Variants in PDE4B observed in about 807,000 individuals in gnomAD.
PDE4B encodes phosphodiesterase 4B.
In PDE4B, 20 loss-of-function variants were observed where a neutral mutation model predicts 82.2. The ratio of observed to expected loss-of-function variants is 0.24; its 90% CI spans 0.17 to 0.35. The LOEUF (loss-of-function observed/expected upper bound fraction) is 0.35. PDE4B is among the 10% of genes least tolerant of loss of function. PDE4B has a pLI of 1.00. For missense variants in PDE4B, 655 were observed against 907.2 expected (o/e 0.72, Z 3.57); for synonymous variants, 320 against 318.9 (o/e 1.00, Z -0.04).
At chr1:65,970,926 C>T (rs776645876) in intron 3 of PDE4B, among the ~76,000 whole-genome samples, 12 of 151,262 alleles carry the variant, frequency 7.9e-5, no homozygotes, top group Non-Finnish European at 1.0e-4. Flanking sequence ...CTGGACAGGA[C>T]GGGATCTTGG....
At chr1:65,998,775 A>C (rs1651696187) in intron 3 of PDE4B, among the ~76,000 whole-genome samples, 1 of 151,944 alleles carries the variant, frequency 6.6e-6, no homozygotes, top group African/African-American at 2.4e-5. Context: ...GGTGCATAGG[A>C]GGATGTGTGT....
chr1:66,038,119 T>C (rs1253708556), intron 3 of PDE4B, among the ~76,000 whole-genome samples: 1 of 152,158 alleles, frequency 6.6e-6, no homozygotes, highest in Non-Finnish European at 1.5e-5. Context: ...TGGGACATAA[T>C]TACAGCAAAA....
intron 6 of PDE4B, among the ~76,000 whole-genome samples, chr1:66,262,420 G>C (rs116332246): frequency 6.6e-6 from 1 of 152,308 alleles, no homozygotes; most frequent in African/African-American, 2.4e-5. Context: ...CCAGAGCCAG[G>C]ATTAGGATTC....
intron 3 of PDE4B, among the ~76,000 whole-genome samples, chr1:66,119,499 T>C (rs895444211): frequency 0.026 from 36 of 1,368 alleles, no homozygotes; most frequent in African/African-American, 0.033. Context: ...CCAGGAGAAA[T>C]AATATTGTCT....
intron 3 of PDE4B, among the ~76,000 whole-genome samples, chr1:66,193,979 A>G (rs1020267118): frequency 2.6e-5 from 4 of 151,274 alleles, no homozygotes; most frequent in Non-Finnish European, 5.9e-5. Context: ...AGATTCAACA[A>G]CTTCTCTTGG....
At chr1:66,318,454 C>G (rs779469168) in intron 7 of PDE4B, among the ~76,000 whole-genome samples, 3 of 152,342 alleles carry the variant, frequency 2.0e-5, no homozygotes, top group Non-Finnish European at 4.4e-5. Flanking sequence ...TGGAGGCAAA[C>G]TGCCTCAGTC....
In PDE4B at chr1:66,153,455, A is replaced by T. The variant is rs549205827; in HGVS notation, c.282-94005A>T. Among the ~76,000 whole-genome samples, 7 of 152,252 alleles carry T rather than the reference A, an allele frequency of 4.6e-5. No homozygotes were observed. In the South Asian group the frequency reaches 1.4e-3, roughly 32 times the overall value. Reference sequence around the variant, plus strand: ...ATGGCAACCATCCCCTCTCCCTTGTAACCTGAGGGGGGTCAAGAACCTCAT... The same window carrying T: ...ATGGCAACCATCCCCTCTCCCTTGTTACCTGAGGGGGGTCAAGAACCTCAT... On this transcript the variant is annotated intron_variant, in intron 3 of 16. Transcript: ENST00000341517.
intron 3 of PDE4B, among the ~76,000 whole-genome samples, chr1:66,163,180 T>TAACA (rs1313664435): frequency 6.6e-6 from 1 of 152,212 alleles, no homozygotes; most frequent in African/African-American, 2.4e-5. Context: ...AGAATGGAAT[T>TAACA]AACAATACCT....
At chr1:66,058,038 G>T (rs903396864) in intron 3 of PDE4B, among the ~76,000 whole-genome samples, 2 of 152,174 alleles carry the variant, frequency 1.3e-5, no homozygotes, top group African/African-American at 4.8e-5. Flanking sequence ...AAGCAAGCTA[G>T]TTACTTCCTA....
At chr1:65,905,211 A>C (rs561346639) in intron 1 of PDE4B, among the ~76,000 whole-genome samples, 1 of 152,322 alleles carries the variant, frequency 6.6e-6, no homozygotes, top group South Asian at 2.1e-4. Context: ...TGAATAGAAA[A>C]ATAATGTGAT....
intron 3 of PDE4B, among the ~76,000 whole-genome samples, chr1:66,167,517 TTGGGGTGATGAACA>T (rs1452593809): frequency 6.6e-6 from 1 of 152,162 alleles, no homozygotes; most frequent in East Asian, 1.9e-4. Flanking sequence ...GAGTTTCCTT[TTGGGGTGATGAACA>T]TGGGGTGATA....
chr1:66,216,209 A>G (rs1392682556), intron 3 of PDE4B, among the ~76,000 whole-genome samples: 2 of 149,464 alleles, frequency 1.3e-5, no homozygotes, highest in African/African-American at 4.9e-5. Flanking sequence ...TATGTATATA[A>G]TATAATATAA....
intron 3 of PDE4B, among the ~76,000 whole-genome samples, chr1:66,142,539 G>T (rs1646193514): frequency 1.3e-5 from 2 of 152,064 alleles, no homozygotes; most frequent in South Asian, 4.1e-4. Flanking sequence ...GTGTTAGAAA[G>T]CAAGCATAAT....
chr1:65,863,877 A>G (rs888846750), intron 1 of PDE4B, among the ~76,000 whole-genome samples: 13 of 151,910 alleles, frequency 8.6e-5, no homozygotes, highest in African/African-American at 2.9e-4. Flanking sequence ...CCTTCTCTTT[A>G]TTTTGAGCCC....
chr1:66,368,264 A>G lies in PDE4B; in HGVS notation c.1662+199A>G, dbSNP rs1570792711. 19 of 551,840 alleles carry G rather than the reference A, an allele frequency of 3.4e-5. No individual in the cohort carries two copies. In the East Asian group the frequency reaches 5.8e-4, roughly 17 times the overall value. 34.2% of individuals were successfully genotyped at this position (551,840 alleles called of 1,614,324 possible). A position where few individuals can be genotyped will look rare whatever the true frequency, so the allele number is the denominator to read the frequency against. On this transcript the variant is annotated intron_variant, in intron 15 of 16. Transcript: ENST00000341517. ...TAATTTATGAGGAAAAATAATCTCTATTTGTGGAACTGCTTATTAGTTATA... is the reference window on the plus strand; with the variant it reads ...TAATTTATGAGGAAAAATAATCTCTGTTTGTGGAACTGCTTATTAGTTATA...
At chr1:65,958,925 A>C (rs1021459002) in intron 3 of PDE4B, among the ~76,000 whole-genome samples, 8 of 152,360 alleles carry the variant, frequency 5.3e-5, no homozygotes, top group Non-Finnish European at 1.2e-4. Flanking sequence ...TCGTAACTGC[A>C]TATCAGAAAA....
chr1:65,880,878 G>A (rs185921890), intron 1 of PDE4B, among the ~76,000 whole-genome samples: 2 of 152,180 alleles, frequency 1.3e-5, no homozygotes, highest in Non-Finnish European at 1.5e-5. Context: ...AGTAATTGAG[G>A]TATTTCTTAC....
At chr1:66,112,865 TC>T (rs1350287729) in intron 3 of PDE4B, 1 of 152,250 alleles carries the variant, frequency 6.6e-6, no homozygotes, top group Non-Finnish European at 1.5e-5. Flanking sequence ...GTGATGACTA[TC>T]CCAAGATACC....
intron 3 of PDE4B, among the ~76,000 whole-genome samples, chr1:66,168,968 A>T (rs1570387858): frequency 1.3e-5 from 2 of 152,334 alleles, no homozygotes; most frequent in Admixed American, 1.3e-4. Flanking sequence ...CATCCCTTCC[A>T]GGAACACAGA....
Sources: allele counts gnomAD v4.1 joint callset (sites outside exome capture counted in the v4.1 genomes callset), GRCh38; gene constraint gnomAD v4.1.1; transcripts MANE v1.5; gene names NCBI Gene and HGNC (gene_info 2026-07-23, HGNC 2026-07-21).